Variants in PLD5 observed in about 807,000 individuals in gnomAD.
PLD5 encodes the protein phospholipase D family member 5.
In PLD5, 36 loss-of-function variants were observed where a neutral mutation model predicts 61.1. The ratio of observed to expected loss-of-function variants is 0.59; its 90% CI spans 0.45 to 0.78. The LOEUF (loss-of-function observed/expected upper bound fraction) is 0.78. PLD5 is among the 30% of genes least tolerant of loss of function. The pLI, the probability that PLD5 is intolerant of heterozygous loss-of-function variation, is 0.00. For missense variants in PLD5, 515 were observed against 644.4 expected (o/e 0.80, Z 2.17); for synonymous variants, 243 against 242.8 (o/e 1.00, Z -0.01).
chr1:242,136,924 A>AAATACAG (rs1652216360), intron 5 of PLD5, among the ~76,000 whole-genome samples: 1 of 152,210 alleles, frequency 6.6e-6, no homozygotes, highest in Admixed American at 6.5e-5. Context: ...GAAGGCTATA[A>AAATACAG]AATACAGAAC....
At chr1:242,278,896 T>C (rs1328521418) in intron 3 of PLD5, among the ~76,000 whole-genome samples, 1 of 152,184 alleles carries the variant, frequency 6.6e-6, no homozygotes, top group Non-Finnish European at 1.5e-5. Flanking sequence ...AGGGAATAGA[T>C]GTTACTTTGA....
intron 9 of PLD5, among the ~76,000 whole-genome samples, chr1:242,090,761 A>C (rs924875304): frequency 2.0e-5 from 3 of 152,222 alleles, no homozygotes; most frequent in Non-Finnish European, 4.4e-5. Context: ...GGCTGAAACT[A>C]CAGAAATGTA....
intron 9 of PLD5, among the ~76,000 whole-genome samples, chr1:242,096,542 A>G (rs1437008663): frequency 6.6e-6 from 1 of 151,034 alleles, no homozygotes; most frequent in Non-Finnish European, 1.5e-5. Context: ...GGGTTTCACC[A>G]TGTTGCCCAG....
the PLD5 span, among the ~76,000 whole-genome samples, chr1:242,529,778 TCTTC>T: frequency 0.26 from 33,966 of 129,588 alleles, 4,466 homozygotes; most frequent in East Asian, 0.48. Context: ...GGCACTGGGA[TCTTC>T]CTTCCTTCCT....
intron 5 of PLD5, among the ~76,000 whole-genome samples, chr1:242,208,382 C>T (rs1217071613): frequency 6.6e-6 from 1 of 152,100 alleles, no homozygotes; most frequent in African/African-American, 2.4e-5. Context: ...GCTGGCTTCA[C>T]ATTAGCATAC....
rs190927516 is a variant in PLD5, at chr1:242,346,606, A to G, written c.326+1500T>C. Among the ~76,000 whole-genome samples the G allele has an allele frequency of 8.5e-5, 13 of 152,320 alleles. No homozygotes were observed. In the East Asian group the frequency reaches 1.9e-3, roughly 23 times the overall value. ...ACAAAACAATTTTTCATCCAAATCC[A>G]GTCTGAGAAGTAAATATATTTATGA... is the stretch of plus-strand genomic sequence containing the variant. On this transcript the variant is annotated intron_variant, in intron 2 of 9. Transcript: ENST00000536534.
intron 2 of PLD5, among the ~76,000 whole-genome samples, chr1:242,323,162 C>T (rs1658529733): frequency 6.6e-6 from 1 of 150,712 alleles, no homozygotes; most frequent in South Asian, 2.1e-4. Flanking sequence ...TAAAAGAAAA[C>T]AAAACAGATA....
Position 242,394,969 on chromosome 1 carries a change from T to TTATATATGAATATATATGAATATATATG in PLD5, c.190-46755_190-46728dup, listed in dbSNP as rs1447777960. ...TATGATTATATATGAATATATATGA[T>TTATATATGAATATATATGAATATATATG]TATATATGAATATATATGAATATAT... On this transcript the variant is annotated intron_variant, in intron 1 of 9. Coordinates refer to ENST00000536534, the MANE Select transcript of PLD5 (RefSeq NM_001372062.1). Among the ~76,000 whole-genome samples, 31 of 60,428 alleles carry TTATATATGAATATATATGAATATATATG rather than the reference T, an allele frequency of 5.1e-4. 4 individuals carry two copies. Among genetic ancestry groups the TTATATATGAATATATATGAATATATATG allele is most frequent in the East Asian group, 2.2e-3 (6 of 2,700 alleles). The allele number at this position is 60,428 out of a possible 152,430, so 39.6% of individuals were successfully genotyped here. A position where few individuals can be genotyped will look rare whatever the true frequency, so the allele number is the denominator to read the frequency against.
intron 1 of PLD5, among the ~76,000 whole-genome samples, chr1:242,486,508 G>C (rs1332934981): frequency 6.6e-6 from 1 of 152,036 alleles, no homozygotes; most frequent in Non-Finnish European, 1.5e-5. Flanking sequence ...AAACCACAAT[G>C]AGATACCATC....
At chr1:242,510,802 G>A (rs914001755) in intron 1 of PLD5, among the ~76,000 whole-genome samples, 12 of 151,436 alleles carry the variant, frequency 7.9e-5, no homozygotes, top group South Asian at 2.1e-4. Context: ...CCGAGATCGC[G>A]CCACTGCACT....
chr1:242,113,992 C>G lies in PLD5; in HGVS notation c.968G>C (p.Ser323Thr). 1 of 1,613,852 alleles carries G rather than the reference C, an allele frequency of 6.2e-7. No homozygotes were observed. The highest frequency in any genetic ancestry group is 1.7e-5 in the Admixed American group (1 of 59,946). Residue 323 changes from serine (S) to threonine (T), a missense_variant, in exon 7 of 10, where the codon AGT becomes ACT. Ser to Thr is a moderately conservative substitution (Grantham distance 58). Transcript: ENST00000536534. ...ACTGTAGATGGCATCTATGTCAAAACTTCTGTTTTTAGGGCAAAAGAGTTT... is the reference window on the plus strand; with the variant it reads ...ACTGTAGATGGCATCTATGTCAAAAGTTCTGTTTTTAGGGCAAAAGAGTTT... ...SPKLFCPKNR[S>T]FDIDAIYSVI... is the part of the protein sequence containing the mutation.
At chr1:242,515,331 G>A (rs1669071236) in intron 1 of PLD5, among the ~76,000 whole-genome samples, 1 of 152,168 alleles carries the variant, frequency 6.6e-6, no homozygotes, top group Admixed American at 6.5e-5. Context: ...TCCTGTCTCA[G>A]CCTCCCAACT....
rs1021272899 is a variant in PLD5 at position 242,175,037 on chromosome 1, A to G, written c.735+44951T>C. Among the ~76,000 whole-genome samples the G allele has an allele frequency of 4.6e-5, 7 of 152,046 alleles. No homozygotes were observed. In the East Asian group the frequency reaches 1.4e-3, roughly 29 times the overall value. On this transcript the variant is annotated intron_variant, in intron 5 of 9. Transcript: ENST00000536534. ...GCACATGTACCCTAGAACTTAAAGT[A>G]TAATAATAAAAAAAAACTATTCCAA...
At chr1:242,110,318 A>G (rs1034781262) in intron 7 of PLD5, among the ~76,000 whole-genome samples, 3 of 152,050 alleles carry the variant, frequency 2.0e-5, no homozygotes, top group African/African-American at 4.8e-5. Flanking sequence ...TTGTTTTAAC[A>G]TAAGAATTAA....
chr1:242,105,292 C>G (rs980977389), intron 8 of PLD5, among the ~76,000 whole-genome samples: 1 of 151,318 alleles, frequency 6.6e-6, no homozygotes, highest in Non-Finnish European at 1.5e-5. Flanking sequence ...GGTGCAATCT[C>G]GGCTCACTGC....
intron 1 of PLD5, among the ~76,000 whole-genome samples, chr1:242,494,878 C>CTTTTTTTTTTTTTT (rs556893161): frequency 3.7e-5 from 5 of 135,886 alleles, no homozygotes; most frequent in East Asian, 2.2e-4. Context: ...TTTTTCTTTT[C>CTTTTTTTTTTTTTT]TGTTTTTTTT....
intron 1 of PLD5, chr1:242,376,856 T>G: frequency 6.7e-7 from 1 of 1,495,266 alleles, no homozygotes; most frequent in Non-Finnish European, 8.9e-7. Context: ...ACTGCAAACT[T>G]TTTGTAACAA....
At chr1:242,295,046 G>T (rs1440214428) in intron 2 of PLD5, among the ~76,000 whole-genome samples, 1 of 152,156 alleles carries the variant, frequency 6.6e-6, no homozygotes, top group Non-Finnish European at 1.5e-5. Context: ...ATTAATGAAG[G>T]GGAACAGATG....
chr1:242,283,594 A>G (rs1674846384), intron 3 of PLD5, among the ~76,000 whole-genome samples: 1 of 152,190 alleles, frequency 6.6e-6, no homozygotes, highest in African/African-American at 2.4e-5. Context: ...AACCTGACAC[A>G]TTTTTTTATC....
Sources: allele counts gnomAD v4.1 joint callset (sites outside exome capture counted in the v4.1 genomes callset), GRCh38; gene constraint gnomAD v4.1.1; transcripts MANE v1.5; gene names NCBI Gene and HGNC (gene_info 2026-07-23, HGNC 2026-07-21).